Variants in DYNLRB1 observed in about 807,000 individuals in gnomAD.
The protein encoded by DYNLRB1 is ROBL/LC7-like 1.
A neutral mutation model predicts 13.5 loss-of-function variants in DYNLRB1; 6 were observed. That is an observed-to-expected ratio of 0.44 (90% CI 0.24 to 0.88). The LOEUF is 0.88. Among genes scored for constraint, DYNLRB1 ranks in the 40% least tolerant of loss-of-function variants. The probability of loss-of-function intolerance (pLI) is 0.21; values close to 1 mark genes in which losing one functional copy is unlikely to be tolerated. For missense variants in DYNLRB1, 93 were observed against 127.2 expected (o/e 0.73, Z 1.29); for synonymous variants, 43 against 45.0 (o/e 0.96, Z 0.18).
At chr20:34,524,428 C>T in intron 1 of DYNLRB1, among the ~76,000 whole-genome samples, 1 of 152,236 alleles carries the variant, frequency 6.6e-6, no homozygotes, top group East Asian at 1.9e-4. Context: ...ATTTTTAGTT[C>T]TTTCTGCATT....
chr20:34,522,239 G>T (rs1979780841), intron 1 of DYNLRB1, among the ~76,000 whole-genome samples: 1 of 152,032 alleles, frequency 6.6e-6, no homozygotes, highest in Non-Finnish European at 1.5e-5. Context: ...GACCTGCAGT[G>T]TGTTCTTGGG....
At chr20:34,535,079 A>G (rs1414504032) in intron 3 of DYNLRB1, 3 of 985,268 alleles carry the variant, frequency 3.0e-6, no homozygotes, top group Non-Finnish European at 3.6e-6. Flanking sequence ...ACTCAAAGGC[A>G]TTTGGGACAT....
Position 34,516,930 on chromosome 20 carries a change from C to G in DYNLRB1, c.3+469C>G, listed in dbSNP as rs532008055. 2,446 of 1,371,802 alleles carry G rather than the reference C, an allele frequency of 1.8e-3. 3 individuals carry two copies. Among genetic ancestry groups the G allele is most frequent in the Admixed American group, 3.0e-3 (104 of 34,990 alleles). The allele number at this position is 1,371,802 out of a possible 1,614,324, so 85.0% of individuals were successfully genotyped here. On this transcript the variant is annotated intron_variant, in intron 1 of 3. Coordinates refer to ENST00000357156, the MANE Select transcript of DYNLRB1 (RefSeq NM_014183.4). ...TATACATATCTGTTATTCAGCGCCC[C>G]GAGAAGCCAAGTGCTTTGCCCCAGG...
At chr20:34,540,151 T>C (rs1981465333) in intron 3 of DYNLRB1, among the ~76,000 whole-genome samples, 1 of 152,236 alleles carries the variant, frequency 6.6e-6, no homozygotes, top group African/African-American at 2.4e-5. Context: ...TCTTGGGCTT[T>C]GCCCCAGCCC....
chr20:34,526,349 C>A lies in DYNLRB1; in HGVS notation c.79+6C>A. On this transcript the variant is annotated splice_donor_region_variant and intron_variant, in intron 2 of 3. Coordinates refer to ENST00000357156, the MANE Select transcript of DYNLRB1 (RefSeq NM_014183.4). ...CATCGTCGTGAACACAGAAGGTACG[C>A]CCTCCCTCCCGCCATGACCCGCACC... 1 of 1,613,550 alleles carries A rather than the reference C, an allele frequency of 6.2e-7. No individual in the cohort carries two copies. Among genetic ancestry groups the A allele is most frequent in the Non-Finnish European group, 8.5e-7 (1 of 1,179,816 alleles).
chr20:34,531,398 C>T (rs979346670), intron 2 of DYNLRB1, among the ~76,000 whole-genome samples: 5 of 152,218 alleles, frequency 3.3e-5, no homozygotes, highest in Admixed American at 6.5e-5. Flanking sequence ...ATAACTAGGC[C>T]GTCTCAGGTC....
chr20:34,536,268 C>A (rs1334929559), intron 3 of DYNLRB1: 1 of 985,326 alleles, frequency 1.0e-6, no homozygotes, highest in Admixed American at 6.1e-5. Flanking sequence ...TCGCAGAACA[C>A]CTGCAAATCC....
chr20:34,516,317 G>A, upstream of DYNLRB1: 1 of 1,355,908 alleles, frequency 7.4e-7, no homozygotes, highest in Non-Finnish European at 9.9e-7. Flanking sequence ...GCGGAGCCAA[G>A]ATCGGCTCGC....
At position 34,526,350 on chromosome 20, in the gene DYNLRB1, C is replaced by G; in HGVS notation, c.79+7C>G. The G allele has an allele frequency of 6.2e-7, 1 of 1,613,484 alleles. No homozygotes were observed. The highest frequency in any genetic ancestry group is 8.5e-7 in the Non-Finnish European group (1 of 1,179,824). On this transcript the variant is annotated splice_region_variant and intron_variant, in intron 2 of 3. Coordinates refer to ENST00000357156, the MANE Select transcript of DYNLRB1 (RefSeq NM_014183.4). Reference sequence around the variant, plus strand: ...ATCGTCGTGAACACAGAAGGTACGCCCTCCCTCCCGCCATGACCCGCACCC... The same window carrying G: ...ATCGTCGTGAACACAGAAGGTACGCGCTCCCTCCCGCCATGACCCGCACCC...
chr20:34,526,873 TC>T (rs1345108436), intron 2 of DYNLRB1, among the ~76,000 whole-genome samples: 3 of 152,362 alleles, frequency 2.0e-5, no homozygotes, highest in African/African-American at 7.2e-5. Context: ...GGATATTACA[TC>T]CCCATTTGTG....
Position 34,536,356 on chromosome 20 carries a change from TG to T in DYNLRB1, c.247+1564del, listed in dbSNP as rs1981139747. The T allele has an allele frequency of 1.5e-5, 15 of 985,346 alleles. 1 individual carries two copies. Among genetic ancestry groups the T allele is most frequent in the African/African-American group, 1.2e-4 (7 of 57,316 alleles). 61.0% of individuals were successfully genotyped at this position (985,346 alleles called of 1,614,324 possible). A position where few individuals can be genotyped will look rare whatever the true frequency, so the allele number is the denominator to read the frequency against. ...CCCTGCCTGGTTGAGTGTGTTGACC[TG>T]GGTTGGGGGAAAAAGCCTTGGAATC... On this transcript the variant is annotated intron_variant, in intron 3 of 3. Transcript: ENST00000357156.
intron 1 of DYNLRB1, among the ~76,000 whole-genome samples, chr20:34,522,397 G>T (rs1205877967): frequency 6.7e-6 from 1 of 150,268 alleles, no homozygotes; most frequent in African/African-American, 2.5e-5. Flanking sequence ...ATACCTATGT[G>T]TCCTCCCATT....
rs1242653884 is a variant in DYNLRB1 at position 34,528,330 on chromosome 20, A to AAAAAC, written c.79+1991_79+1992insCAAAA. The stretch of plus-strand genomic sequence containing the variant: ...CCGTCTCAAAAAAAAAAAAAAAAAA[A>AAAAAC]AAAAAAAAAAAAAACTACCCTACTG... On this transcript the variant is annotated intron_variant, in intron 2 of 3. Transcript: ENST00000357156. Among the ~76,000 whole-genome samples the AAAAAC allele has an allele frequency of 1.6e-4, 6 of 38,418 alleles. 2 individuals are homozygous for AAAAAC. Among genetic ancestry groups the AAAAAC allele is most frequent in the African/African-American group, 6.1e-4 (6 of 9,788 alleles). 25.2% of individuals were successfully genotyped at this position (38,418 alleles called of 152,430 possible). A position where few individuals can be genotyped will look rare whatever the true frequency, so the allele number is the denominator to read the frequency against.
intron 1 of DYNLRB1, among the ~76,000 whole-genome samples, chr20:34,517,590 A>T (rs1433305858): frequency 2.0e-5 from 3 of 149,404 alleles, no homozygotes; most frequent in Non-Finnish European, 4.5e-5. Flanking sequence ...GGCTATATTT[A>T]TTATAGAATA....
intron 2 of DYNLRB1, chr20:34,530,210 C>G (rs1327640698): frequency 8.9e-7 from 1 of 1,129,804 alleles, no homozygotes; most frequent in Non-Finnish European, 1.1e-6. Context: ...CTGGGAAGCC[C>G]TAGCTGCTTA....
At chr20:34,535,561 G>A (rs1981076019) in intron 3 of DYNLRB1, 3 of 882,022 alleles carry the variant, frequency 3.4e-6, no homozygotes, top group Non-Finnish European at 4.1e-6. Context: ...TCTCACTCAT[G>A]GACTGGGGTG....
upstream of DYNLRB1, among the ~76,000 whole-genome samples, chr20:34,516,064 GT>G (rs1259817435): frequency 6.6e-6 from 1 of 152,088 alleles, no homozygotes; most frequent in Non-Finnish European, 1.5e-5. Flanking sequence ...GGCTAATTTT[GT>G]TTATTTTTTA....
Position 34,537,985 on chromosome 20 carries a change from C to CTTTTTTT in DYNLRB1, c.248-2582_248-2576dup, listed in dbSNP as rs67763754. Reference sequence around the variant, plus strand: ...GCCCAGAACCGCCCACGTGAACAGGCTTTTTTTTTTTTTTTTTTTTGAGAC... The same window carrying CTTTTTTT: ...GCCCAGAACCGCCCACGTGAACAGGCTTTTTTTTTTTTTTTTTTTTTTTTTTTGAGAC... On this transcript the variant is annotated intron_variant, in intron 3 of 3. Transcript: ENST00000357156. Among the ~76,000 whole-genome samples the CTTTTTTT allele has an allele frequency of 4.3e-3, 409 of 94,838 alleles. 12 individuals are homozygous for CTTTTTTT. Among genetic ancestry groups the CTTTTTTT allele is most frequent in the Middle Eastern group, 5.9e-3 (1 of 170 alleles). The allele number at this position is 94,838 out of a possible 152,430, so 62.2% of individuals were successfully genotyped here.
chr20:34,540,657 A>C lies in DYNLRB1; in HGVS notation c.*33A>C, dbSNP rs1385270395. 1 of 1,605,150 alleles carries C rather than the reference A, an allele frequency of 6.2e-7. No individual in the cohort carries two copies. On this transcript the variant is annotated 3_prime_UTR_variant, in exon 4 of 4. Transcript: ENST00000357156. ...TCTTGGCTCCCTGTGTCATTCCTTA[A>C]TTTAATGCCCCCCAAGAATGTTAAT... is the stretch of plus-strand genomic sequence containing the variant.
Sources: gnomAD v4.1 joint callset for allele counts (sites outside exome capture counted in the v4.1 genomes callset) on GRCh38, gnomAD v4.1.1 for gene constraint, MANE v1.5 for transcripts, NCBI Gene and HGNC (gene_info 2026-07-23, HGNC 2026-07-21) for gene names.